The following PDE10A variants were observed in gnomAD, a reference collection of about 807,000 sequenced individuals.
PDE10A encodes the protein cAMP and cAMP-inhibited cGMP 3',5'-cyclic phosphodiesterase 10A.
A neutral mutation model predicts 97.7 loss-of-function variants in PDE10A; 39 were observed. The ratio of observed to expected loss-of-function variants is 0.40; its 90% CI spans 0.31 to 0.52. The LOEUF (loss-of-function observed/expected upper bound fraction) is 0.52, where lower values mean the gene tolerates loss of function less well. PDE10A is among the 20% of genes least tolerant of loss of function. The pLI is 0.56. For synonymous variants in PDE10A, 371 were observed against 376.8 expected (o/e 0.98, Z 0.18); for missense variants, 731 against 1,047.8 (o/e 0.70, Z 4.17).
In PDE10A at chr6:165,396,401, G is replaced by A. The variant is rs1192696782; in HGVS notation, c.2135C>T (p.Ser712Phe). 1.9e-6 allele frequency: 3 copies of A among 1,612,780 alleles called. No homozygotes were observed. Among genetic ancestry groups the A allele is most frequent in the Non-Finnish European group, 2.5e-6 (3 of 1,179,268 alleles). Residue 712 changes from serine (S) to phenylalanine (F), a missense_variant, in exon 14 of 22, where the codon TCC becomes TTC. Ser to Phe is a radical substitution (Grantham distance 155). This residue lies in a region of PDE10A where 131 missense variants were observed against 187.4 expected (regional missense o/e 0.70). Coordinates refer to ENST00000539869, the MANE Select transcript of PDE10A (RefSeq NM_001385079.1). ...CIYRVTMEKL[S>F]YHSICTSEEW... ...TTCTGAAGTACAAATGCTATGGTAG[G>A]ACAGCTTTTCCATCGTTACCCGGTA...
chr6:165,560,457 T>C (rs569320050), intron 1 of PDE10A, among the ~76,000 whole-genome samples: 1 of 152,092 alleles, frequency 6.6e-6, no homozygotes, highest in African/African-American at 2.4e-5. Context: ...ATTTCAGTCT[T>C]GCGATATTCT....
chr6:165,644,090 C>T (rs965697054), intron 1 of PDE10A, among the ~76,000 whole-genome samples: 4 of 152,170 alleles, frequency 2.6e-5, no homozygotes, highest in African/African-American at 7.2e-5. Context: ...GAGTCTCCCT[C>T]TGTCGCCCAG....
At chr6:165,804,219 A>C (rs902722093) in intron 1 of PDE10A, among the ~76,000 whole-genome samples, 6 of 152,176 alleles carry the variant, frequency 3.9e-5, no homozygotes, top group Non-Finnish European at 7.3e-5. Context: ...TGATGGGCAG[A>C]TTGATAGGGA....
intron 2 of PDE10A, among the ~76,000 whole-genome samples, chr6:165,506,884 A>G (rs1471873041): frequency 6.6e-6 from 1 of 152,142 alleles, no homozygotes; most frequent in Non-Finnish European, 1.5e-5. Flanking sequence ...CCTACTTTGC[A>G]TTGCATTCTC....
intron 1 of PDE10A, among the ~76,000 whole-genome samples, chr6:165,823,827 T>C (rs1779650782): frequency 6.6e-6 from 1 of 152,066 alleles, no homozygotes; most frequent in South Asian, 2.1e-4. Context: ...TCCATAATCA[T>C]CTTACGGGAC....
chr6:165,958,763 A>AAGAAAGAAAGAAAGAG (rs1341280905), intron 1 of PDE10A, among the ~76,000 whole-genome samples: 1 of 149,646 alleles, frequency 6.7e-6, no homozygotes, highest in African/African-American at 2.5e-5. Context: ...GAAAGAAAGA[A>AAGAAAGAAAGAAAGAG]AGAAGAAAGC....
chr6:165,332,204 A>C lies in PDE10A; in HGVS notation c.*821T>G, dbSNP rs1213348189. On this transcript the variant is annotated 3_prime_UTR_variant, in exon 22 of 22. Coordinates refer to ENST00000539869, the MANE Select transcript of PDE10A (RefSeq NM_001385079.1). ...AAAAAAATTACAATGCCGAGCTTTTATTTTGTTCTTTATGCAAAGGGTTCA... is the reference window on the plus strand; with the variant it reads ...AAAAAAATTACAATGCCGAGCTTTTCTTTTGTTCTTTATGCAAAGGGTTCA... 6.6e-6 allele frequency: 1 copy of C among 152,192 alleles called. No homozygotes were observed. The highest frequency in any genetic ancestry group is 2.4e-5 in the African/African-American group (1 of 41,456). The allele number at this position is 152,192 out of a possible 1,614,324, so 9.4% of individuals were successfully genotyped here.
At position 165,713,689 on chromosome 6, in the gene PDE10A, T is replaced by A. The variant is rs563452505; in HGVS notation, c.-614-170121A>T. On this transcript the variant is annotated intron_variant, in intron 1 of 19. Transcript: ENST00000366882. ...AAAATGTTCGATCCAGTCCTCTCTA[T>A]CAGGAGAGAAACAGGACTTCTGTGT... Among the ~76,000 whole-genome samples the A allele has an allele frequency of 1.1e-3, 166 of 152,332 alleles. 6 individuals carry two copies. The South Asian group carries it at 0.03, about 28-fold the overall frequency.
intron 13 of PDE10A, among the ~76,000 whole-genome samples, chr6:165,400,637 G>A (rs192584392): frequency 3.4e-4 from 51 of 152,208 alleles, no homozygotes; most frequent in African/African-American, 1.2e-3. Context: ...CAGTCACTTT[G>A]GTAAACAGTT....
intron 1 of PDE10A, among the ~76,000 whole-genome samples, chr6:165,840,571 A>G (rs1043820968): frequency 5.3e-5 from 8 of 152,126 alleles, no homozygotes; most frequent in Non-Finnish European, 1.2e-4. Flanking sequence ...ACCACCTCCC[A>G]AGCTACCAAA....
intron 1 of PDE10A, among the ~76,000 whole-genome samples, chr6:165,764,410 T>A (rs1297653327): frequency 4.6e-5 from 7 of 152,214 alleles, no homozygotes; most frequent in African/African-American, 1.4e-4. Context: ...AGGGCAATAC[T>A]CTGTGATTAT....
chr6:165,979,857 TTCTCACAAA>T (rs1368750814), intron 1 of PDE10A, among the ~76,000 whole-genome samples: 1 of 152,214 alleles, frequency 6.6e-6, no homozygotes, highest in Non-Finnish European at 1.5e-5. Flanking sequence ...CCAATTACAA[TTCTCACAAA>T]TCTCCTCAGA....
intron 3 of PDE10A, among the ~76,000 whole-genome samples, chr6:165,462,439 T>C (rs984148387): frequency 2.0e-5 from 3 of 151,934 alleles, no homozygotes; most frequent in African/African-American, 2.4e-5. Flanking sequence ...CGTTGGGAAA[T>C]AGGTAAAATA....
intron 13 of PDE10A, among the ~76,000 whole-genome samples, chr6:165,408,936 C>T (rs220765): frequency 1.3e-5 from 2 of 151,364 alleles, no homozygotes; most frequent in South Asian, 4.2e-4. Context: ...GAGGCCGAGG[C>T]GGGCGGATCA....
intron 1 of PDE10A, among the ~76,000 whole-genome samples, chr6:165,750,185 A>G (rs902699342): frequency 2.0e-5 from 3 of 152,224 alleles, no homozygotes; most frequent in African/African-American, 7.2e-5. Context: ...AAATGCAGAC[A>G]GAGAAAGGAG....
chr6:165,363,255 G>C (rs1018981068), intron 18 of PDE10A, among the ~76,000 whole-genome samples: 27 of 152,166 alleles, frequency 1.8e-4, no homozygotes, highest in African/African-American at 6.3e-4. Context: ...CATGACTCAC[G>C]CCTGTAATCC....
chr6:165,865,122 A>T (rs1489056581), intron 1 of PDE10A, among the ~76,000 whole-genome samples: 1 of 152,196 alleles, frequency 6.6e-6, no homozygotes, highest in Non-Finnish European at 1.5e-5. Flanking sequence ...CCCCAAGCAA[A>T]GTCTCACCAC....
At chr6:165,649,627 G>A (rs971121556) in intron 1 of PDE10A, among the ~76,000 whole-genome samples, 8 of 152,082 alleles carry the variant, frequency 5.3e-5, no homozygotes, top group African/African-American at 1.7e-4. Flanking sequence ...TGAGGAAGAG[G>A]TGCAGGGGTG....
chr6:165,779,244 T>G (rs542396268), intron 1 of PDE10A, among the ~76,000 whole-genome samples: 1 of 152,364 alleles, frequency 6.6e-6, no homozygotes, highest in South Asian at 2.1e-4. Context: ...CCTTGAATGC[T>G]CTCCTTCTTT....
Sources: gnomAD v4.1 joint callset for allele counts (sites outside exome capture counted in the v4.1 genomes callset) on GRCh38, gnomAD v4.1.1 for gene constraint, gnomAD v4.1.1 regional missense constraint, MANE v1.5 for transcripts, NCBI Gene and HGNC (gene_info 2026-07-23, HGNC 2026-07-21) for gene names.